LOXHD1: variants seen among roughly 807,000 people sequenced by gnomAD.
LOXHD1 encodes lipoxygenase homology PLAT domains 1.
A neutral mutation model predicts 248.2 loss-of-function variants in LOXHD1; 205 were observed. The observed-to-expected ratio is 0.83, with a 90% CI of 0.74 to 0.93. LOXHD1 has a LOEUF of 0.93. Ranked by LOEUF, LOXHD1 falls within the 40% of genes least tolerant of loss-of-function variation. The pLI is 0.00. For synonymous variants in LOXHD1, 1,113 were observed against 1,162.8 expected (o/e 0.96, Z 0.87); for missense variants, 2,930 against 2,971.6 (o/e 0.99, Z 0.33).
Position 46,559,536 on chromosome 18 carries a change from T to C in LOXHD1, c.3128A>G (p.Tyr1043Cys), listed in dbSNP as rs763271457. 4 of 1,551,946 alleles carry C rather than the reference T, an allele frequency of 2.6e-6. No individual in the cohort carries two copies. Among genetic ancestry groups the C allele is most frequent in the Non-Finnish European group, 3.5e-6 (4 of 1,147,042 alleles). Residue 1043 changes from tyrosine (Y) to cysteine (C), a missense_variant, in exon 20 of 41, where the codon TAC becomes TGC. Tyr to Cys is a radical substitution (Grantham distance 194, BLOSUM62 -2). Transcript: ENST00000642948. ...ATACTCCTCGCCGTAGATGGTTAGG[T>C]AGACGTTAGCATCAGTGCCGGCCTT... ...VPKAGTDANV[Y>C]LTIYGEEYGD...
In LOXHD1 at chr18:46,569,731, G is replaced by A. The variant is rs114263268; in HGVS notation, c.2048-93C>T. 97 of 985,820 alleles carry A rather than the reference G, an allele frequency of 9.8e-5. No individual in the cohort carries two copies. The African/African-American group carries it at 1.5e-3, about 15-fold the overall frequency. The allele number at this position is 985,820 out of a possible 1,614,324, so 61.1% of individuals were successfully genotyped here. A position where few individuals can be genotyped will look rare whatever the true frequency, so the allele number is the denominator to read the frequency against. Reference sequence around the variant, plus strand: ...GTGTATAGGAGGGCAGCCTGGAGCTGGAGGTTTGTGGGGAACACACGCTGG... The same window carrying A: ...GTGTATAGGAGGGCAGCCTGGAGCTAGAGGTTTGTGGGGAACACACGCTGG... On this transcript the variant is annotated intron_variant, in intron 15 of 40. Coordinates refer to ENST00000642948, the MANE Select transcript of LOXHD1 (RefSeq NM_001384474.1).
At chr18:46,558,222 C>T (rs2037418929) in intron 20 of LOXHD1, among the ~76,000 whole-genome samples, 1 of 152,212 alleles carries the variant, frequency 6.6e-6, no homozygotes, top group African/African-American at 2.4e-5. Context: ...TGTCATCTCT[C>T]TTGCACTCTC....
At chr18:46,633,900 T>C (rs575985891) in intron 4 of LOXHD1, among the ~76,000 whole-genome samples, 2 of 152,308 alleles carry the variant, frequency 1.3e-5, no homozygotes, top group African/African-American at 4.8e-5. Context: ...AGGGATCATT[T>C]CCCACCCATT....
At position 46,526,070 on chromosome 18, in the gene LOXHD1, G is replaced by A. The variant is rs368836666; in HGVS notation, c.4531-1153C>T. Among the ~76,000 whole-genome samples, 55 of 152,282 alleles carry A rather than the reference G, an allele frequency of 3.6e-4. 1 individual carries two copies. Among genetic ancestry groups the A allele is most frequent in the Middle Eastern group, 6.8e-3 (2 of 294 alleles). Reference sequence around the variant, plus strand: ...AAATAGCAGCCAGTGGTGTGTGGCCGAAAGCAGATGTGGATGGGAGCAGTC... The same window carrying A: ...AAATAGCAGCCAGTGGTGTGTGGCCAAAAGCAGATGTGGATGGGAGCAGTC... On this transcript the variant is annotated intron_variant, in intron 29 of 40. Transcript: ENST00000642948.
chr18:46,567,980 T>C (rs145444955), intron 16 of LOXHD1, among the ~76,000 whole-genome samples: 263 of 152,320 alleles, frequency 1.7e-3, no homozygotes, highest in African/African-American at 5.8e-3. Flanking sequence ...CCCAAAATCC[T>C]TTAGTAAAGG....
chr18:46,491,733 T>G (rs2033492611), intron 37 of LOXHD1, among the ~76,000 whole-genome samples: 1 of 152,186 alleles, frequency 6.6e-6, no homozygotes, highest in African/African-American at 2.4e-5. Context: ...CCAGCCAGAA[T>G]GGTGACAGAG....
At chr18:46,491,069 G>A (rs1444631354) in intron 37 of LOXHD1, among the ~76,000 whole-genome samples, 1 of 152,238 alleles carries the variant, frequency 6.6e-6, no homozygotes, top group Non-Finnish European at 1.5e-5. Flanking sequence ...AAAGAGGAAG[G>A]CAGAGAAAAA....
At chr18:46,480,896 C>T (rs960793717) in intron 40 of LOXHD1, among the ~76,000 whole-genome samples, 4 of 152,010 alleles carry the variant, frequency 2.6e-5, no homozygotes, top group African/African-American at 4.8e-5. Flanking sequence ...GATATGCTAC[C>T]GGGATAAACA....
chr18:46,497,663 A>G (rs1002789413), intron 37 of LOXHD1, among the ~76,000 whole-genome samples: 3 of 152,230 alleles, frequency 2.0e-5, no homozygotes, highest in African/African-American at 4.8e-5. Flanking sequence ...TTTTATAAAA[A>G]TATATTAAGT....
At chr18:46,578,933 A>G (rs1345139043) in intron 13 of LOXHD1, among the ~76,000 whole-genome samples, 2 of 152,182 alleles carry the variant, frequency 1.3e-5, no homozygotes, top group African/African-American at 4.8e-5. Context: ...GTTTGCCTCA[A>G]ACTTGCCTAG....
chr18:46,524,391 T>C, intron 31 of LOXHD1, 75 bp downstream of exon 31: 2 of 1,508,028 alleles, frequency 1.3e-6, no homozygotes, highest in Non-Finnish European at 1.8e-6. Context: ...GGCTCAAGAA[T>C]GGCTCATCCA....
intron 14 of LOXHD1, among the ~76,000 whole-genome samples, chr18:46,574,444 A>T (rs2037816427): frequency 8.4e-6 from 1 of 119,610 alleles, no homozygotes; most frequent in Non-Finnish European, 1.7e-5. Flanking sequence ...AAATTCTGAT[A>T]AATAGACCTG....
intron 37 of LOXHD1, among the ~76,000 whole-genome samples, chr18:46,490,740 G>T (rs2033411443): frequency 6.6e-6 from 1 of 152,248 alleles, no homozygotes; most frequent in Admixed American, 6.5e-5. Flanking sequence ...CTCCCAAAGT[G>T]CTGGGATTAC....
chr18:46,605,147 A>C (rs191850298), intron 6 of LOXHD1, among the ~76,000 whole-genome samples: 130 of 152,362 alleles, frequency 8.5e-4, no homozygotes, highest in African/African-American at 2.8e-3. Context: ...ACACACTTTC[A>C]TGGTTGTCTC....
Position 46,611,032 on chromosome 18 carries a change from C to A in LOXHD1, c.611-108G>T. The A allele has an allele frequency of 4.6e-6, 6 of 1,308,248 alleles. No homozygotes were observed. In the South Asian group the frequency reaches 5.8e-5, roughly 13 times the overall value. 81.0% of individuals were successfully genotyped at this position (1,308,248 alleles called of 1,614,324 possible). On this transcript the variant is annotated intron_variant, in intron 5 of 40. Transcript: ENST00000642948. The stretch of plus-strand genomic sequence containing the variant: ...GATGCTCTTCCAAAGTTAACAAGGG[C>A]AACTTCCTCCTGAGATCTAAGGGCT...
intron 12 of LOXHD1, among the ~76,000 whole-genome samples, chr18:46,582,502 A>C (rs769940803): frequency 1.3e-4 from 20 of 152,244 alleles, no homozygotes; most frequent in Non-Finnish European, 2.5e-4. Flanking sequence ...AGAATATAAA[A>C]ATGTATAAGA....
chr18:46,582,497 A>G (rs1289746583), intron 12 of LOXHD1, among the ~76,000 whole-genome samples: 2 of 152,248 alleles, frequency 1.3e-5, no homozygotes, highest in African/African-American at 4.8e-5. Flanking sequence ...CAGTAAGAAT[A>G]TAAAAATGTA....
intron 4 of LOXHD1, among the ~76,000 whole-genome samples, chr18:46,626,899 G>C (rs1326588077): frequency 6.6e-6 from 1 of 152,212 alleles, no homozygotes; most frequent in Non-Finnish European, 1.5e-5. Context: ...TGTTTAGATA[G>C]ATAGGTGGAT....
chr18:46,530,429 G>A (rs1166946635), intron 28 of LOXHD1, among the ~76,000 whole-genome samples: 1 of 152,206 alleles, frequency 6.6e-6, no homozygotes, highest in Non-Finnish European at 1.5e-5. Context: ...TCATGCAGGA[G>A]TGTTTCTGGC....
Sources: allele counts gnomAD v4.1 joint callset (sites outside exome capture counted in the v4.1 genomes callset), GRCh38; gene constraint gnomAD v4.1.1; transcripts MANE v1.5; gene names NCBI Gene and HGNC (gene_info 2026-07-23, HGNC 2026-07-21).